The following NPNT variants were observed in gnomAD, a reference collection of about 807,000 sequenced individuals.
NPNT encodes the protein nephronectin.
NPNT carries 45 observed loss-of-function variants against 68.6 expected under a neutral mutation model. The observed-to-expected ratio is 0.66, with a 90% CI of 0.52 to 0.84. The LOEUF (loss-of-function observed/expected upper bound fraction) is 0.84, where lower values mean the gene tolerates loss of function less well. Among genes scored for constraint, NPNT ranks in the 40% least tolerant of loss-of-function variants. The probability of loss-of-function intolerance (pLI) is 0.00; values close to 1 mark genes in which losing one functional copy is unlikely to be tolerated. For missense variants in NPNT, 672 were observed against 714.8 expected (o/e 0.94, Z 0.68); for synonymous variants, 233 against 253.3 (o/e 0.92, Z 0.76).
At chr4:105,927,472 T>C (rs753616763) in intron 3 of NPNT, 44 bp downstream of exon 3, 1 of 1,146,366 alleles carries the variant, frequency 8.7e-7, no homozygotes, top group South Asian at 1.4e-5. Context: ...AAGACACCTC[T>C]ATCACTCCCA....
chr4:105,897,947 G>A lies in NPNT; in HGVS notation c.118G>A (p.Gly40Arg), dbSNP rs372020585. ...VSSIGLCRYG[G>R]RIDCCWGWAR... ...ATCGATTGGCCTATGTCGTTATGGT[G>A]GGAGGATTGACTGCTGCTGGGGCTG... The change falls in exon 2 of 12, where the codon GGG becomes AGG. Residue 40 changes from glycine to arginine, a missense_variant. Physicochemically the swap from Gly to Arg is moderately radical, Grantham distance 125. Transcript: ENST00000379987. The A allele has an allele frequency of 2.5e-6, 4 of 1,613,606 alleles. No individual in the cohort carries two copies. The highest frequency in any genetic ancestry group is 2.7e-5 in the African/African-American group (2 of 74,866).
At position 105,942,303 on chromosome 4, in the gene NPNT, T is replaced by C. The variant is rs745954439; in HGVS notation, c.764-4T>C. 12 of 1,583,254 alleles carry C rather than the reference T, an allele frequency of 7.6e-6. No homozygotes were observed. The highest frequency in any genetic ancestry group is 9.5e-6 in the Non-Finnish European group (11 of 1,160,776). The stretch of plus-strand genomic sequence containing the variant: ...ATACTGATTTAAGTCTTTGACTCTT[T>C]CAGATATCCCAAAAGTTATGATTGA... On this transcript the variant is annotated splice_polypyrimidine_tract_variant and splice_region_variant and intron_variant, in intron 7 of 11. Transcript: ENST00000379987.
chr4:105,948,129 T>C (rs1377660281), intron 8 of NPNT, among the ~76,000 whole-genome samples: 2 of 152,190 alleles, frequency 1.3e-5, no homozygotes, highest in African/African-American at 4.8e-5. Flanking sequence ...TTTTTTCTTA[T>C]CCTGATACAG....
chr4:105,928,990 G>T (rs1362169230), intron 3 of NPNT, among the ~76,000 whole-genome samples: 1 of 151,726 alleles, frequency 6.6e-6, no homozygotes, highest in Non-Finnish European at 1.5e-5. Context: ...TGGGATACAT[G>T]TGGAAAACAT....
At chr4:105,895,971 C>T (rs931102083) in intron 1 of NPNT, 1 of 548,422 alleles carries the variant, frequency 1.8e-6, no homozygotes, top group African/African-American at 2.0e-5. Context: ...CTCGCCCCGG[C>T]TCGGGAATTA....
In NPNT at chr4:105,938,440, A is replaced by G. The variant is rs1729671429; in HGVS notation, c.505+20A>G. ...GTGTAGGTGAGTTGTAAAATCAAGC[A>G]TCTCTGTCAGCAGCCTCTGTAGGAT... On this transcript the variant is annotated intron_variant, in intron 5 of 11. Transcript: ENST00000379987. 4 of 1,610,816 alleles carry G rather than the reference A, an allele frequency of 2.5e-6. No homozygotes were observed. The highest frequency in any genetic ancestry group is 2.7e-5 in the African/African-American group (2 of 74,758).
chr4:105,902,955 C>CT (rs1350816588), intron 2 of NPNT, among the ~76,000 whole-genome samples: 2 of 152,062 alleles, frequency 1.3e-5, no homozygotes, highest in Non-Finnish European at 2.9e-5. Flanking sequence ...AGGTCTTAAC[C>CT]TTTATGGATT....
At chr4:105,914,821 A>G (rs1488267298) in intron 2 of NPNT, among the ~76,000 whole-genome samples, 4 of 152,076 alleles carry the variant, frequency 2.6e-5, no homozygotes, top group Non-Finnish European at 5.9e-5. Context: ...CATTCCGAGA[A>G]CTGTTAAGAA....
chr4:105,925,224 G>T (rs1728596086), intron 2 of NPNT, among the ~76,000 whole-genome samples: 1 of 152,072 alleles, frequency 6.6e-6, no homozygotes, highest in Non-Finnish European at 1.5e-5. Flanking sequence ...GTTTCCCTTT[G>T]AATTTAATGC....
At chr4:105,959,609 T>G (rs1731527179) in intron 10 of NPNT, among the ~76,000 whole-genome samples, 1 of 151,520 alleles carries the variant, frequency 6.6e-6, no homozygotes, top group African/African-American at 2.4e-5. Context: ...CTGAAAAAAT[T>G]TCACTCTAAC....
At chr4:105,911,381 A>G (rs1055364482) in intron 2 of NPNT, among the ~76,000 whole-genome samples, 3 of 152,158 alleles carry the variant, frequency 2.0e-5, no homozygotes, top group African/African-American at 7.2e-5. Flanking sequence ...TTTAAATTAT[A>G]CAAATTATAC....
intron 2 of NPNT, among the ~76,000 whole-genome samples, chr4:105,898,328 G>GTCTCTGTCTC: frequency 1.9e-5 from 1 of 53,986 alleles, no homozygotes; most frequent in South Asian, 8.3e-4. Context: ...CTCTCTCTCT[G>GTCTCTGTCTC]TCTCTCTCTC....
intron 10 of NPNT, among the ~76,000 whole-genome samples, chr4:105,964,164 C>T (rs888888995): frequency 3.3e-5 from 5 of 152,210 alleles, no homozygotes; most frequent in Non-Finnish European, 5.9e-5. Context: ...AGAGTTACCA[C>T]TAAAATAGTA....
chr4:105,903,890 T>G (rs2149319542), intron 2 of NPNT, among the ~76,000 whole-genome samples: 1 of 149,082 alleles, frequency 6.7e-6, no homozygotes, highest in South Asian at 2.3e-4. Context: ...GCTCAAGCCA[T>G]CCTCCCACCT....
At chr4:105,903,438 C>T (rs899570775) in intron 2 of NPNT, among the ~76,000 whole-genome samples, 2 of 152,178 alleles carry the variant, frequency 1.3e-5, no homozygotes, top group South Asian at 4.1e-4. Flanking sequence ...GATGGCCTAA[C>T]CCTCATTATT....
At chr4:105,915,985 A>G (rs1208242533) in intron 2 of NPNT, among the ~76,000 whole-genome samples, 1 of 152,204 alleles carries the variant, frequency 6.6e-6, no homozygotes. Context: ...AATGTTATCT[A>G]ATAGTTGTAA....
intron 6 of NPNT, 45 bp downstream of exon 6, chr4:105,940,254 A>G (rs1329991792): frequency 3.8e-6 from 6 of 1,590,666 alleles, no homozygotes; most frequent in Non-Finnish European, 5.2e-6. Context: ...TTCCTAGAGC[A>G]CTGAAAGGTC....
intron 11 of NPNT, among the ~76,000 whole-genome samples, chr4:105,968,478 G>A (rs1160000845): frequency 6.6e-6 from 1 of 152,310 alleles, no homozygotes; most frequent in African/African-American, 2.4e-5. Context: ...GCAAGAAAGC[G>A]ATGTTAACCA....
intron 2 of NPNT, among the ~76,000 whole-genome samples, chr4:105,923,986 T>C (rs575338536): frequency 2.8e-4 from 42 of 152,184 alleles, no homozygotes; most frequent in African/African-American, 1.0e-3. Context: ...CACTTTACAC[T>C]GTAGCCCCAC....
Sources: gnomAD v4.1 joint callset for allele counts (sites outside exome capture counted in the v4.1 genomes callset) on GRCh38, gnomAD v4.1.1 for gene constraint, MANE v1.5 for transcripts, NCBI Gene and HGNC (gene_info 2026-07-23, HGNC 2026-07-21) for gene names.